RBFOX1: variants seen among roughly 807,000 people sequenced by gnomAD.
The protein encoded by RBFOX1 is RNA binding protein fox-1 homolog 1.
RBFOX1 carries 8 observed loss-of-function variants against 57.7 expected under a neutral mutation model. That is an observed-to-expected ratio of 0.14 (90% CI 0.08 to 0.25). The LOEUF is 0.25. Among genes scored for constraint, RBFOX1 ranks in the 10% least tolerant of loss-of-function variants. RBFOX1 has a pLI of 1.00. For missense variants in RBFOX1, 611 were observed against 548.5 expected (o/e 1.11, Z -1.14); for synonymous variants, 326 against 222.4 (o/e 1.47, Z -4.15).
chr16:7,259,561 T>G lies in RBFOX1; in HGVS notation c.27+207463T>G, dbSNP rs565596680. Among the ~76,000 whole-genome samples the G allele has an allele frequency of 5.4e-5, 8 of 148,294 alleles. 1 individual carries two copies. The South Asian group carries it at 1.7e-3, about 31-fold the overall frequency. ...GGAGATAGTCAGTATAAATCTCCAATGTAAAAAAAAAAAGGATTAAGATAA... is the reference window on the plus strand; with the variant it reads ...GGAGATAGTCAGTATAAATCTCCAAGGTAAAAAAAAAAAGGATTAAGATAA... On this transcript the variant is annotated intron_variant, in intron 4 of 15. Coordinates refer to ENST00000550418, the MANE Select transcript of RBFOX1 (RefSeq NM_018723.4).
chr16:5,764,965 G>T (rs893738210), intron 3 of RBFOX1, among the ~76,000 whole-genome samples: 2 of 152,194 alleles, frequency 1.3e-5, no homozygotes, highest in African/African-American at 2.4e-5. Context: ...AAAGTAGTTT[G>T]CCCAAGTCTC....
chr16:5,764,073 ATACT>A (rs2053687573), intron 3 of RBFOX1, among the ~76,000 whole-genome samples: 1 of 152,192 alleles, frequency 6.6e-6, no homozygotes. Context: ...TGTCTAATAA[ATACT>A]TAACTAATGA....
intron 3 of RBFOX1, among the ~76,000 whole-genome samples, chr16:5,735,865 G>A (rs1048832162): frequency 6.6e-6 from 1 of 152,106 alleles, no homozygotes; most frequent in African/African-American, 2.4e-5. Flanking sequence ...GACAGAGCAA[G>A]ACTCTGTCTC....
At chr16:6,405,205 C>T (rs1389941587) in intron 2 of RBFOX1, among the ~76,000 whole-genome samples, 1 of 152,158 alleles carries the variant, frequency 6.6e-6, no homozygotes, top group Non-Finnish European at 1.5e-5. Flanking sequence ...GTTATCCTAT[C>T]ATACAAGAGC....
chr16:6,184,066 C>G (rs2097088861), intron 1 of RBFOX1, among the ~76,000 whole-genome samples: 1 of 152,118 alleles, frequency 6.6e-6, no homozygotes, highest in South Asian at 2.1e-4. Flanking sequence ...TGGTGGCAGG[C>G]AAGAGAAAGA....
At chr16:6,841,288 A>C (rs554704300) in intron 3 of RBFOX1, among the ~76,000 whole-genome samples, 2 of 152,294 alleles carry the variant, frequency 1.3e-5, no homozygotes, top group South Asian at 4.2e-4. Context: ...AGGTTTGATA[A>C]GGACATTAGA....
intron 3 of RBFOX1, among the ~76,000 whole-genome samples, chr16:6,748,449 C>T (rs770096598): frequency 1.3e-5 from 2 of 152,022 alleles, no homozygotes; most frequent in Non-Finnish European, 1.5e-5. Context: ...TTGCATAAGC[C>T]CAGGAGTTCA....
chr16:5,270,340 A>C, intron 1 of RBFOX1: 1 of 894,902 alleles, frequency 1.1e-6, no homozygotes, highest in South Asian at 1.4e-5. Flanking sequence ...GAGGAACCCA[A>C]ATTGCATCTG....
At chr16:7,404,121 C>A (rs1034275447) in intron 4 of RBFOX1, among the ~76,000 whole-genome samples, 2 of 150,888 alleles carry the variant, frequency 1.3e-5, no homozygotes, top group Non-Finnish European at 2.9e-5. Context: ...GACTCATTCT[C>A]GGCTCACTGC....
chr16:6,736,374 C>T (rs566641521), intron 3 of RBFOX1, among the ~76,000 whole-genome samples: 2 of 152,212 alleles, frequency 1.3e-5, no homozygotes, highest in African/African-American at 4.8e-5. Flanking sequence ...ATTCTCATAG[C>T]TTAGCTCCCA....
intron 2 of RBFOX1, among the ~76,000 whole-genome samples, chr16:5,554,812 A>G (rs570968306): frequency 1.2e-4 from 18 of 152,304 alleles, no homozygotes; most frequent in African/African-American, 3.1e-4. Context: ...TAATTAATTC[A>G]TTTGTCTTTT....
intron 2 of RBFOX1, among the ~76,000 whole-genome samples, chr16:6,530,748 G>T (rs1409130924): frequency 7.7e-5 from 3 of 38,774 alleles, no homozygotes; most frequent in Non-Finnish European, 7.1e-4. Context: ...TTTATAAACC[G>T]TCCCTTCCCC....
chr16:6,992,431 T>G (rs1321268958), intron 3 of RBFOX1, among the ~76,000 whole-genome samples: 5 of 152,122 alleles, frequency 3.3e-5, no homozygotes, highest in Non-Finnish European at 5.9e-5. Flanking sequence ...TTGGCCAGGC[T>G]GGTCTTGAAC....
chr16:7,149,502 T>TTTTC (rs1491276160), intron 4 of RBFOX1, among the ~76,000 whole-genome samples: 2 of 56,948 alleles, frequency 3.5e-5, no homozygotes, highest in African/African-American at 1.1e-4. Flanking sequence ...TTTTTTTTTT[T>TTTTC]CCCCGACAGG....
chr16:7,061,731 C>A (rs573897532), intron 4 of RBFOX1, among the ~76,000 whole-genome samples: 80 of 152,254 alleles, frequency 5.3e-4, no homozygotes, highest in Non-Finnish European at 5.7e-4. Flanking sequence ...CAGCTCCAAG[C>A]AAATCGCTAA....
At chr16:6,305,244 G>T (rs2079355017) in intron 1 of RBFOX1, among the ~76,000 whole-genome samples, 1 of 152,186 alleles carries the variant, frequency 6.6e-6, no homozygotes, top group African/African-American at 2.4e-5. Flanking sequence ...AGTTCAAGTT[G>T]TGGCTTCTCA....
intron 3 of RBFOX1, among the ~76,000 whole-genome samples, chr16:5,644,923 C>T (rs540465123): frequency 6.6e-6 from 1 of 152,074 alleles, no homozygotes; most frequent in South Asian, 2.1e-4. Context: ...ATGAAACGCT[C>T]GCACATGCCA....
intron 3 of RBFOX1, among the ~76,000 whole-genome samples, chr16:5,852,600 T>A (rs1176182166): frequency 1.3e-5 from 2 of 152,116 alleles, no homozygotes; most frequent in Admixed American, 6.5e-5. Flanking sequence ...CAGCTGAGAG[T>A]CCTGATCAAC....
At chr16:6,293,179 G>A (rs2077652930) in intron 1 of RBFOX1, among the ~76,000 whole-genome samples, 1 of 152,086 alleles carries the variant, frequency 6.6e-6, no homozygotes, top group African/African-American at 2.4e-5. Context: ...GGGTAATATT[G>A]TCATTTTATA....
Sources: allele counts gnomAD v4.1 joint callset (sites outside exome capture counted in the v4.1 genomes callset), GRCh38; gene constraint gnomAD v4.1.1; transcripts MANE v1.5; gene names NCBI Gene and HGNC (gene_info 2026-07-23, HGNC 2026-07-21).